Variants in NUMA1 observed in about 807,000 individuals in gnomAD.
NUMA1 encodes nuclear mitotic apparatus protein 1.
In NUMA1, 62 loss-of-function variants were observed where a neutral mutation model predicts 237.1. That is an observed-to-expected ratio of 0.26 (90% confidence interval 0.21 to 0.32). NUMA1 has a LOEUF of 0.32. NUMA1 is among the 10% of genes least tolerant of loss of function. NUMA1 has a pLI of 1.00. For missense variants in NUMA1, 2,533 were observed against 2,666.5 expected, an observed-to-expected ratio of 0.95 and a Z score of 1.10; for synonymous variants, 1,028 against 1,066.1, an observed-to-expected ratio of 0.96 and a Z score of 0.70.
chr11:72,017,629 T>C (rs754961795), intron 13 of NUMA1, 58 bp downstream of exon 13: 2 of 1,603,470 alleles, frequency 1.2e-6, no homozygotes, highest in African/African-American at 1.3e-5. Flanking sequence ...AGTGGTAAAC[T>C]GGACTCAGCT....
chr11:72,022,097 T>G (rs1405966396), intron 7 of NUMA1: 1 of 385,512 alleles, frequency 2.6e-6, no homozygotes, highest in Admixed American at 4.5e-5. Context: ...CATATGCACA[T>G]AAAAAAGGAC....
chr11:72,008,884 C>G (rs773707665), intron 19 of NUMA1, 39 bp from the exon 20 acceptor site: 1 of 1,613,508 alleles, frequency 6.2e-7, no homozygotes, highest in Non-Finnish European at 8.5e-7. Context: ...GAAGAAAAGC[C>G]TAAGGCAGCA....
intron 26 of NUMA1, 138 bp from the exon 27 acceptor site, chr11:72,003,676 G>A (rs1343246983): frequency 1.7e-6 from 2 of 1,199,724 alleles, no homozygotes; most frequent in South Asian, 1.3e-5. Context: ...TCAGTTGCTG[G>A]CTGTGCCTGA....
rs1955511655 is a variant in NUMA1, at chr11:72,004,260, C to T, written c.6088G>A (p.Ala2030Thr). The T allele has an allele frequency of 6.2e-7, 1 of 1,613,068 alleles. No homozygotes were observed. Among genetic ancestry groups the T allele is most frequent in the Non-Finnish European group, 8.5e-7 (1 of 1,179,786 alleles). Residue 2030 changes from alanine to threonine, a missense_variant, in exon 25 of 27, where the codon GCC becomes ACC. Transcript: ENST00000393695. ...GAAGCTGGAGCTGCTTTCTTCTGGG[C>T]CTCAGTAGTGCTCTGTTTGCGCCCT... ...HEGRKQSTTEAQKKAAPASTK... is the reference protein window; with the variant it reads ...HEGRKQSTTETQKKAAPASTK...
rs1177481694 is a variant in NUMA1 at position 72,008,199 on chromosome 11, A to C, written c.5216+489T>G. 6 of 468,326 alleles carry C rather than the reference A, an allele frequency of 1.3e-5. No individual in the cohort carries two copies. In the Admixed American group the frequency reaches 1.4e-4, roughly 11 times the overall value. The allele number at this position is 468,326 out of a possible 1,614,324, so 29.0% of individuals were successfully genotyped here. A position where few individuals can be genotyped will look rare whatever the true frequency, so the allele number is the denominator to read the frequency against. Reference sequence around the variant, plus strand: ...TTAATAAAAACATTTTTCCAGTCTTAACTTCTATACTAGCTATTAGAATAA... The same window carrying C: ...TTAATAAAAACATTTTTCCAGTCTTCACTTCTATACTAGCTATTAGAATAA... On this transcript the variant is annotated intron_variant, in intron 20 of 26. Transcript: ENST00000393695.
intron 2 of NUMA1, among the ~76,000 whole-genome samples, chr11:72,052,930 C>T (rs145134564): frequency 6.6e-6 from 1 of 152,278 alleles, no homozygotes; most frequent in African/African-American, 2.4e-5. Context: ...GTATAAAGTA[C>T]AGACTGGAAT....
rs1446455488 is a variant in NUMA1 at position 72,013,078 on chromosome 11, C to G, written c.4425G>C (p.Lys1475Asn). 6.2e-7 allele frequency: 1 copy of G among 1,614,232 alleles called. No homozygotes were observed. The highest frequency in any genetic ancestry group is 1.3e-5 in the African/African-American group (1 of 75,070). ...LEVELDQARE[K>N]YVQELAAVRA... ...GTACGGCTGCCAACTCTTGGACATA[C>G]TTCTCCCGGGCCTGGTCCAACTCCA... The change falls in exon 15 of 27, where the codon AAG becomes AAC. Residue 1475 changes from lysine (K) to asparagine (N), a missense_variant. Physicochemically the swap from Lys to Asn is moderately conservative, Grantham distance 94 (BLOSUM62 0). Around this residue, in one of 3 missense-constraint regions of NUMA1, gnomAD observed 324 missense variants for 407.6 expected, o/e 0.79. Coordinates refer to ENST00000393695, the MANE Select transcript of NUMA1 (RefSeq NM_006185.4). The surrounding 1 kb of genome is among the most constrained non-coding windows in gnomAD (Gnocchi z 6.8).
chr11:72,006,385 G>T (rs1019843200), intron 21 of NUMA1, 122 bp from the exon 22 acceptor site: 1 of 768,846 alleles, frequency 1.3e-6, no homozygotes, highest in Non-Finnish European at 2.1e-6. Context: ...GCTTTGCAAA[G>T]GTCCTTAAAG....
intron 2 of NUMA1, among the ~76,000 whole-genome samples, chr11:72,058,870 A>C (rs1249442080): frequency 6.6e-6 from 1 of 152,146 alleles, no homozygotes; most frequent in African/African-American, 2.4e-5. Flanking sequence ...AACTCAACTG[A>C]TGTGAGCACA....
chr11:72,064,623 AG>A (rs1943120109), intron 2 of NUMA1, among the ~76,000 whole-genome samples: 1 of 152,328 alleles, frequency 6.6e-6, no homozygotes, highest in South Asian at 2.1e-4. Flanking sequence ...GCTTGGGCTC[AG>A]GAGTTCAAGA....
chr11:72,056,635 T>TAAACAAAAAAAAA (rs1942662500), intron 2 of NUMA1, among the ~76,000 whole-genome samples: 1 of 76,010 alleles, frequency 1.3e-5, no homozygotes, highest in East Asian at 3.0e-4. Flanking sequence ...CCCATCTCTT[T>TAAACAAAAAAAAA]AAAAAAAAAA....
intron 13 of NUMA1, 59 bp from the exon 14 acceptor site, chr11:72,016,589 C>T (rs547302177): frequency 7.6e-6 from 12 of 1,581,262 alleles, no homozygotes; most frequent in Non-Finnish European, 1.0e-5. Flanking sequence ...GATTACCACA[C>T]AAGCCCTCAT....
At chr11:72,007,793 C>T in intron 20 of NUMA1, 1 of 372,598 alleles carries the variant, frequency 2.7e-6, no homozygotes, top group Non-Finnish European at 5.0e-6. Flanking sequence ...CTCAGGCCCC[C>T]AAGCCATGAA....
chr11:72,015,141 C>G lies in NUMA1; in HGVS notation c.2362G>C (p.Glu788Gln). 1 of 1,613,524 alleles carries G rather than the reference C, an allele frequency of 6.2e-7. No individual in the cohort carries two copies. Among genetic ancestry groups the G allele is most frequent in the Non-Finnish European group, 8.5e-7 (1 of 1,180,040 alleles). ...HQAETEVLRR[E>Q]LAEAMAAQHT... ...TGGGCAGCCATGGCCTCTGCCAGCT[C>G]CCGCCGCAGGACTTCAGTCTCAGCC... The change falls in exon 15 of 27, where the codon GAG (glutamate) becomes CAG (glutamine). Residue 788 changes from glutamate to glutamine, a missense_variant. Coordinates refer to ENST00000393695, the MANE Select transcript of NUMA1 (RefSeq NM_006185.4). This position sits in a 1 kb window ranked among gnomAD's most constrained non-coding sequence, Gnocchi z 4.0.
rs201632248 is a variant in NUMA1, at chr11:72,062,340, T to TA, written c.-33+7501dup. ...AATTTTGGTTTTACAAAATAATGGT[T>TA]AAAAAAAAAAAGCTATCATACTCTC... On this transcript the variant is annotated intron_variant, in intron 2 of 26. Coordinates refer to ENST00000393695, the MANE Select transcript of NUMA1 (RefSeq NM_006185.4). Among the ~76,000 whole-genome samples, 577 of 145,800 alleles carry TA rather than the reference T, an allele frequency of 4.0e-3. 4 individuals carry two copies. The highest frequency in any genetic ancestry group is 0.014 in the African/African-American group (547 of 39,890).
intron 21 of NUMA1, among the ~76,000 whole-genome samples, chr11:72,006,750 C>G (rs554340861): frequency 6.6e-6 from 1 of 152,210 alleles, no homozygotes; most frequent in African/African-American, 2.4e-5. Flanking sequence ...ACACAGGTCC[C>G]CCCTGCTGTA....
chr11:72,016,283 T>G, intron 14 of NUMA1, 23 bp from the exon 15 acceptor site: 1 of 1,585,512 alleles, frequency 6.3e-7, no homozygotes, highest in Non-Finnish European at 8.6e-7. Context: ...AGAGACAAAC[T>G]GGGATCAGCA....
intron 3 of NUMA1, among the ~76,000 whole-genome samples, chr11:72,033,303 G>A (rs1029440104): frequency 6.6e-6 from 1 of 151,820 alleles, no homozygotes; most frequent in African/African-American, 2.4e-5. Flanking sequence ...AGGGACTACA[G>A]GTGTGCACTA....
At chr11:72,033,651 T>A (rs546733751) in intron 3 of NUMA1, among the ~76,000 whole-genome samples, 1 of 152,270 alleles carries the variant, frequency 6.6e-6, no homozygotes, top group East Asian at 1.9e-4. Context: ...GCATTACAGG[T>A]GTGAGCCACT....
Sources: gnomAD v4.1 joint callset for allele counts (sites outside exome capture counted in the v4.1 genomes callset) on GRCh38, gnomAD v4.1.1 for gene constraint, gnomAD v4.1.1 regional missense constraint, Gnocchi (gnomAD v3.1) non-coding constraint, MANE v1.5 for transcripts, NCBI Gene and HGNC (gene_info 2026-07-23, HGNC 2026-07-21) for gene names.